FAM83C: variants seen among roughly 807,000 people sequenced by gnomAD.
FAM83C encodes the protein protein FAM83C.
A neutral mutation model predicts 27.1 loss-of-function variants in FAM83C; 23 were observed. The observed-to-expected ratio is 0.85, with a 90% CI of 0.61 to 1.20. FAM83C has a LOEUF of 1.20. Ranked by LOEUF, FAM83C falls within the 50% of genes most tolerant of loss-of-function variation. The pLI, the probability that FAM83C is intolerant of heterozygous loss-of-function variation, is 0.00. For synonymous variants in FAM83C, 426 were observed against 423.1 expected (o/e 1.01, Z -0.09); for missense variants, 984 against 1,001.3 (o/e 0.98, Z 0.23).
At position 35,287,020 on chromosome 20, in the gene FAM83C, G is replaced by A; in HGVS notation, c.1759C>T (p.Leu587=). 1 of 1,607,470 alleles carries A rather than the reference G, an allele frequency of 6.2e-7. No individual in the cohort carries two copies. The change falls in exon 4 of 4, where the codon CTA becomes TTA. Residue 587 remains leucine, a synonymous_variant. Coordinates refer to ENST00000374408, the MANE Select transcript of FAM83C (RefSeq NM_178468.6). ...TCTGATTGGCCACGGCTTTGGTTTA[G>A]GGACAGCCTCCTGTCCTCCAGGGCC... ...DRALEDRRLS[L]NQSRGQSDLL... is the part of the protein sequence containing the mutation.
Position 35,286,798 on chromosome 20 carries a change from G to C in FAM83C, c.1981C>G (p.Arg661Gly). ...PNGLPISSPA[R>G]TAGAGSGDEK... is the part of the protein sequence containing the mutation. ...TCCCCAGACCCAGCTCCAGCCGTGC[G>C]AGCAGGGCTTGATATCGGGAGACCA... Residue 661 changes from arginine (R) to glycine (G), a missense_variant, in exon 4 of 4, where the codon CGC (arginine) becomes GGC (glycine). Coordinates refer to ENST00000374408, the MANE Select transcript of FAM83C (RefSeq NM_178468.6). The C allele has an allele frequency of 6.2e-7, 1 of 1,614,086 alleles. No individual in the cohort carries two copies. Among genetic ancestry groups the C allele is most frequent in the Non-Finnish European group, 8.5e-7 (1 of 1,179,994 alleles).
Position 35,286,381 on chromosome 20 carries a change from G to GTA in FAM83C, c.*153_*154insTA. ...TGTGTGTGTGTGTGTGTGTGTGTGT[G>GTA]TGTGTACACAAGAATCTTGAGCCCA... is the stretch of plus-strand genomic sequence containing the variant. On this transcript the variant is annotated 3_prime_UTR_variant, in exon 4 of 4. Coordinates refer to ENST00000374408, the MANE Select transcript of FAM83C (RefSeq NM_178468.6). 3.2e-6 allele frequency: 2 copies of GTA among 618,806 alleles called. No homozygotes were observed. 38.3% of individuals were successfully genotyped at this position (618,806 alleles called of 1,614,324 possible).
In FAM83C at chr20:35,287,569, C is replaced by T. The variant is rs767806384; in HGVS notation, c.1210G>A (p.Gly404Ser). 2.0e-5 allele frequency: 32 copies of T among 1,613,994 alleles called. No homozygotes were observed. In the Admixed American group the frequency reaches 4.0e-4, roughly 20 times the overall value. ...GCCCTATAGAGCCCAGGAGGGGAGCCGTGGTTAGGGTCTGACAGTTGGCGA... is the reference window on the plus strand; with the variant it reads ...GCCCTATAGAGCCCAGGAGGGGAGCTGTGGTTAGGGTCTGACAGTTGGCGA... ...LHRQLSDPNH[G>S]SPPGLYRANL... is the part of the protein sequence containing the mutation. Residue 404 changes from glycine to serine, a missense_variant, in exon 4 of 4, where the codon GGC becomes AGC. By Grantham distance (56) the Gly-to-Ser change is moderately conservative. Transcript: ENST00000374408.
rs1169916662 is a variant in FAM83C, at chr20:35,291,906, G to A, written c.399C>T (p.Pro133=). The part of the protein sequence containing the change: ...IDPPDLDLGW[P]EVPQATGFSP... ...TGAAGCCTGTGGCCTGTGGCACCTC[G>A]GGCCAGCCCAGGTCCAGGTCTGGGG... Residue 133 remains proline, a synonymous_variant, in exon 1 of 4, where the codon CCC becomes CCT. Transcript: ENST00000374408. The A allele has an allele frequency of 6.2e-6, 10 of 1,613,022 alleles. No homozygotes were observed. In the Admixed American group the frequency reaches 1.3e-4, roughly 22 times the overall value.
chr20:35,291,937 A>G lies in FAM83C; in HGVS notation c.368T>C (p.Ile123Thr). The G allele has an allele frequency of 6.2e-7, 1 of 1,611,140 alleles. No individual in the cohort carries two copies. Among genetic ancestry groups the G allele is most frequent in the Non-Finnish European group, 8.5e-7 (1 of 1,177,610 alleles). Residue 123 changes from isoleucine to threonine, a missense_variant, in exon 1 of 4, where the codon ATA becomes ACA. Ile to Thr is a moderately conservative substitution (Grantham distance 89). Coordinates refer to ENST00000374408, the MANE Select transcript of FAM83C (RefSeq NM_178468.6). ...SGTYFPMASD[I>T]DPPDLDLGWP... Reference sequence around the variant, plus strand: ...GCCCAGGTCCAGGTCTGGGGGGTCTATGTCAGAGGCCATGGGGAAGTAAGT... The same window carrying G: ...GCCCAGGTCCAGGTCTGGGGGGTCTGTGTCAGAGGCCATGGGGAAGTAAGT...
rs1394516832 is a variant in FAM83C, at chr20:35,288,799, G to A, written c.673C>T (p.His225Tyr). 6.2e-7 allele frequency: 1 copy of A among 1,610,010 alleles called. No homozygotes were observed. Among genetic ancestry groups the A allele is most frequent in the Non-Finnish European group, 8.5e-7 (1 of 1,177,598 alleles). ...MCYKMDLNGE[H>Y]LPNMRVRSTC... ...CCCTGGTCCTCACTGACCGGCAGGT[G>A]CTCCCCATTGAGGTCCATCTTGTAG... Residue 225 changes from histidine (H) to tyrosine (Y), a missense_variant, in exon 2 of 4, where the codon CAC becomes TAC. Transcript: ENST00000374408.
chr20:35,288,511 C>T lies in FAM83C; in HGVS notation c.756G>A (p.Leu252=). ...KAGRRFTGQA[L]EKFVLIDCEQ... ...CACAGTCAATGAGGACGAACTTCTC[C>T]AGGGCCTGCCCCGTGAAGCGGCGGC... is the stretch of plus-strand genomic sequence containing the variant. The change falls in exon 3 of 4, where the codon CTG becomes CTA. Residue 252 remains leucine, a synonymous_variant. Transcript: ENST00000374408. The T allele has an allele frequency of 6.2e-7, 1 of 1,614,220 alleles. No homozygotes were observed. Among genetic ancestry groups the T allele is most frequent in the South Asian group, 1.1e-5 (1 of 91,086 alleles).
Position 35,287,597 on chromosome 20 carries a change from T to C in FAM83C, c.1182A>G (p.Leu394=), listed in dbSNP as rs139838804. Residue 394 remains leucine (L), a synonymous_variant, in exon 4 of 4, where the codon CTA becomes CTG. Transcript: ENST00000374408. ...GGTTAGGGTCTGACAGTTGGCGATG[T>C]AGGGAGGGCTGGCCACTGGCCTCAC... The part of the protein sequence containing the change: ...ARREASGQPS[L]HRQLSDPNHG... 1 of 1,613,718 alleles carries C rather than the reference T, an allele frequency of 6.2e-7. No individual in the cohort carries two copies. Among genetic ancestry groups the C allele is most frequent in the Non-Finnish European group, 8.5e-7 (1 of 1,179,910 alleles).
At chr20:35,290,403 C>T (rs1349610480) in intron 1 of FAM83C, among the ~76,000 whole-genome samples, 8 of 152,224 alleles carry the variant, frequency 5.3e-5, no homozygotes, top group Non-Finnish European at 1.0e-4. Flanking sequence ...GGGTTCAAAC[C>T]TGGACTCTAT....
rs1224260122 is a variant in FAM83C, at chr20:35,286,072, C to G, written c.*463G>C. ...AAATTTTTCTAACTCTCTCCTCCCT[C>G]TGTCCAAAACCTCCCCATCCTTCAG... is the stretch of plus-strand genomic sequence containing the variant. On this transcript the variant is annotated 3_prime_UTR_variant, in exon 4 of 4. Transcript: ENST00000374408. 1 of 165,912 alleles carries G rather than the reference C, an allele frequency of 6.0e-6. No individual in the cohort carries two copies. Among genetic ancestry groups the G allele is most frequent in the Non-Finnish European group, 1.3e-5 (1 of 77,058 alleles). 10.3% of individuals were successfully genotyped at this position (165,912 alleles called of 1,614,324 possible). A position where few individuals can be genotyped will look rare whatever the true frequency, so the allele number is the denominator to read the frequency against.
chr20:35,289,987 G>A (rs2060842133), intron 1 of FAM83C, among the ~76,000 whole-genome samples: 2 of 152,148 alleles, frequency 1.3e-5, no homozygotes, highest in South Asian at 4.1e-4. Flanking sequence ...ACTAACTCCA[G>A]CCCAGCTCTG....
Position 35,290,340 on chromosome 20 carries a change from G to A in FAM83C, c.514-1382C>T, listed in dbSNP as rs151328621. Among the ~76,000 whole-genome samples, 122 of 152,304 alleles carry A rather than the reference G, an allele frequency of 8.0e-4. 1 individual carries two copies. The highest frequency in any genetic ancestry group is 2.6e-3 in the African/African-American group (107 of 41,568). On this transcript the variant is annotated intron_variant, in intron 1 of 3. Coordinates refer to ENST00000374408, the MANE Select transcript of FAM83C (RefSeq NM_178468.6). The stretch of plus-strand genomic sequence containing the variant: ...AGAGTCTTCTCTCCCAGGCAGGGCC[G>A]AGAGGCAGGAGGTACAGAGCATAGC...
At position 35,287,880 on chromosome 20, in the gene FAM83C, A is replaced by C; in HGVS notation, c.899T>G (p.Leu300Arg). The change falls in exon 4 of 4, where the codon CTG becomes CGG. Residue 300 changes from leucine to arginine, a missense_variant. Physicochemically the swap from Leu to Arg is moderately radical, Grantham distance 102. Coordinates refer to ENST00000374408, the MANE Select transcript of FAM83C (RefSeq NM_178468.6). ...VEDFDREFRCLYAESQPVEGF... is the reference protein window; with the variant it reads ...VEDFDREFRCRYAESQPVEGF... ...CTCCACAGGCTGCGACTCAGCGTAC[A>C]GACAGCGGAACTCCCGGTCAAAGTC... 1 of 1,560,584 alleles carries C rather than the reference A, an allele frequency of 6.4e-7. No individual in the cohort carries two copies. Among genetic ancestry groups the C allele is most frequent in the African/African-American group, 1.4e-5 (1 of 73,552 alleles).
At chr20:35,288,115 C>T (rs1438025765) in intron 3 of FAM83C, 143 bp from the exon 4 acceptor site, 2 of 784,940 alleles carry the variant, frequency 2.5e-6, no homozygotes, top group South Asian at 1.8e-5. Context: ...AGGGGCAGAG[C>T]TCCAACTCCA....
chr20:35,286,826 G>C lies in FAM83C; in HGVS notation c.1953C>G (p.Pro651=). 1 of 1,614,096 alleles carries C rather than the reference G, an allele frequency of 6.2e-7. No individual in the cohort carries two copies. Among genetic ancestry groups the C allele is most frequent in the African/African-American group, 1.3e-5 (1 of 75,028 alleles). The stretch of plus-strand genomic sequence containing the variant: ...CAGGGCTTGATATCGGGAGACCATT[G>C]GGCCCAGGCCCCTCACCACGGAATG... The part of the protein sequence containing the change: ...FGPFRGEGPG[P]NGLPISSPAR... Residue 651 remains proline (P), a synonymous_variant, in exon 4 of 4, where the codon CCC becomes CCG. Coordinates refer to ENST00000374408, the MANE Select transcript of FAM83C (RefSeq NM_178468.6).
In FAM83C at chr20:35,287,534, G is replaced by A; in HGVS notation, c.1245C>T (p.Gly415=). 6.2e-7 allele frequency: 1 copy of A among 1,614,162 alleles called. No individual in the cohort carries two copies. Among genetic ancestry groups the A allele is most frequent in the South Asian group, 1.1e-5 (1 of 91,086 alleles). Residue 415 remains glycine (G), a synonymous_variant, in exon 4 of 4, where the codon GGC becomes GGT. Transcript: ENST00000374408. ...SPPGLYRANL[G]KLGAYPWSQS... ...GGGACCATGGGTATGCCCCTAGCTT[G>A]CCGAGATTGGCCCTATAGAGCCCAG...
rs773920232 is a variant in FAM83C, at chr20:35,288,572, C to T, written c.695G>A (p.Arg232Gln). The T allele has an allele frequency of 1.5e-5, 24 of 1,614,080 alleles. 1 individual carries two copies. Among genetic ancestry groups the T allele is most frequent in the Admixed American group, 8.3e-5 (5 of 59,998 alleles). Reference protein sequence around the residue: ...NGEHLPNMRVRSTCGDTYCSK... With the variant: ...NGEHLPNMRVQSTCGDTYCSK... ...GCAGTATGTGTCCCCACACGTGCTC[C>T]GCACACGCATGTTCTAGGTGGAAGT... The change falls in exon 3 of 4, where the codon CGG becomes CAG. Residue 232 changes from arginine to glutamine, a missense_variant. Coordinates refer to ENST00000374408, the MANE Select transcript of FAM83C (RefSeq NM_178468.6).
In FAM83C at chr20:35,291,824, G is replaced by C. The variant is rs147288270; in HGVS notation, c.481C>G (p.Leu161Val). Residue 161 changes from leucine (L) to valine (V), a missense_variant, in exon 1 of 4, where the codon CTG becomes GTG. Leu to Val is a conservative substitution (Grantham distance 32). Transcript: ENST00000374408. ...GCCTGGCTGAAAAGGAAGCGCAGCA[G>C]GTCCTTGATGTTCTTGGCCTTGTCC... is the stretch of plus-strand genomic sequence containing the variant. The part of the protein sequence containing the change: ...QRDKAKNIKD[L>V]LRFLFSQAHT... The C allele has an allele frequency of 1.2e-6, 2 of 1,614,078 alleles. No homozygotes were observed. The highest frequency in any genetic ancestry group is 1.7e-6 in the Non-Finnish European group (2 of 1,180,056).
At position 35,286,855 on chromosome 20, in the gene FAM83C, C is replaced by T. The variant is rs761122449; in HGVS notation, c.1924G>A (p.Gly642Ser). 5.6e-6 allele frequency: 9 copies of T among 1,613,090 alleles called. No individual in the cohort carries two copies. The highest frequency in any genetic ancestry group is 3.3e-5 in the South Asian group (3 of 91,026). ...CCAGGCCCCTCACCACGGAATGGGCCGAACTTTGTGATGAGGTCCAGCTGG... is the reference window on the plus strand; with the variant it reads ...CCAGGCCCCTCACCACGGAATGGGCTGAACTTTGTGATGAGGTCCAGCTGG... ...HSQLDLITKF[G>S]PFRGEGPGPN... Residue 642 changes from glycine (G) to serine (S), a missense_variant, in exon 4 of 4, where the codon GGC becomes AGC. Gly to Ser is a moderately conservative substitution (Grantham distance 56, BLOSUM62 0). Coordinates refer to ENST00000374408, the MANE Select transcript of FAM83C (RefSeq NM_178468.6).
Sources: gnomAD v4.1 joint callset for allele counts (sites outside exome capture counted in the v4.1 genomes callset) on GRCh38, gnomAD v4.1.1 for gene constraint, MANE v1.5 for transcripts, NCBI Gene and HGNC (gene_info 2026-07-23, HGNC 2026-07-21) for gene names.